The following XKR4 variants were observed in gnomAD, a reference collection of about 807,000 sequenced individuals.
The protein encoded by XKR4 is XK related 4, also known as XK-related protein 4.
In XKR4, 12 loss-of-function variants were observed where a neutral mutation model predicts 53.9. The observed-to-expected ratio is 0.22, with a 90% CI of 0.14 to 0.36. XKR4 has a LOEUF of 0.36. XKR4 is among the 10% of genes least tolerant of loss of function. XKR4 has a pLI of 1.00. For missense variants in XKR4, 799 were observed against 859.5 expected (o/e 0.93, Z 0.88); for synonymous variants, 354 against 362.4 (o/e 0.98, Z 0.26).
At chr8:55,243,483 C>T (rs1001174883) in intron 1 of XKR4, among the ~76,000 whole-genome samples, 1 of 152,190 alleles carries the variant, frequency 6.6e-6, no homozygotes. Context: ...ATCTTTTCAT[C>T]GGTTGCTTCC....
chr8:55,288,751 T>C (rs1254672202), intron 1 of XKR4, among the ~76,000 whole-genome samples: 2 of 152,166 alleles, frequency 1.3e-5, no homozygotes, highest in Non-Finnish European at 2.9e-5. Flanking sequence ...GGTAACATCT[T>C]GCAAAACTTG....
intron 1 of XKR4, among the ~76,000 whole-genome samples, chr8:55,185,664 T>G (rs1817367389): frequency 6.6e-6 from 1 of 152,228 alleles, no homozygotes; most frequent in African/African-American, 2.4e-5. Context: ...GCCATCACTT[T>G]CTATAGCTAG....
At chr8:55,324,808 A>C (rs967520573) in intron 1 of XKR4, among the ~76,000 whole-genome samples, 2 of 152,202 alleles carry the variant, frequency 1.3e-5, no homozygotes, top group African/African-American at 4.8e-5. Context: ...CCAGGTTTCA[A>C]ACTCAGCAAA....
intron 2 of XKR4, among the ~76,000 whole-genome samples, chr8:55,456,742 G>T (rs1805575356): frequency 6.6e-6 from 1 of 152,130 alleles, no homozygotes; most frequent in Admixed American, 6.5e-5. Context: ...GAAAAGTACA[G>T]ACAATTTTTT....
intron 1 of XKR4, among the ~76,000 whole-genome samples, chr8:55,278,336 A>T (rs1342268546): frequency 2.8e-4 from 4 of 14,122 alleles, no homozygotes; most frequent in African/African-American, 3.4e-4. Flanking sequence ...GATCCTGTCT[A>T]AAAAAAAAAA....
chr8:55,227,270 T>G (rs1371347920), intron 1 of XKR4, among the ~76,000 whole-genome samples: 1 of 152,224 alleles, frequency 6.6e-6, no homozygotes, highest in Admixed American at 6.5e-5. Context: ...CCCACTACAT[T>G]GTGCACAAAG....
chr8:55,378,460 A>G (rs1228361806), intron 2 of XKR4, among the ~76,000 whole-genome samples: 1 of 152,228 alleles, frequency 6.6e-6, no homozygotes, highest in Non-Finnish European at 1.5e-5. Context: ...TGGGTCTCAT[A>G]ATAAAAGAAA....
chr8:55,451,994 C>G (rs888882887), intron 2 of XKR4: 1 of 774,454 alleles, frequency 1.3e-6, no homozygotes, highest in African/African-American at 1.7e-5. Context: ...CATGCTGCCG[C>G]CCGATGGTCT....
At chr8:55,404,517 C>G (rs1309988333) in intron 2 of XKR4, among the ~76,000 whole-genome samples, 1 of 152,186 alleles carries the variant, frequency 6.6e-6, no homozygotes, top group Non-Finnish European at 1.5e-5. Flanking sequence ...AGCTTCCAGT[C>G]TGAAGAAAGA....
chr8:55,478,086 T>C (rs1015090491), intron 2 of XKR4, among the ~76,000 whole-genome samples: 3 of 151,830 alleles, frequency 2.0e-5, no homozygotes, highest in Non-Finnish European at 4.4e-5. Flanking sequence ...GAAGAGCAAC[T>C]CCAAGACACA....
intron 1 of XKR4, among the ~76,000 whole-genome samples, chr8:55,292,573 T>C (rs150631725): frequency 1.1e-4 from 17 of 152,268 alleles, no homozygotes; most frequent in Admixed American, 3.3e-4. Context: ...TTGGCCAATT[T>C]TATTAATCTT....
intron 2 of XKR4, chr8:55,449,596 A>T (rs1463659155): frequency 1.6e-6 from 2 of 1,239,316 alleles, no homozygotes; most frequent in African/African-American, 1.5e-5. Flanking sequence ...AAACGCGAGG[A>T]GTTGTCTTCA....
At chr8:55,308,946 G>A (rs1234705570) in intron 1 of XKR4, among the ~76,000 whole-genome samples, 1 of 152,236 alleles carries the variant, frequency 6.6e-6, no homozygotes, top group Non-Finnish European at 1.5e-5. Context: ...AAGCTGAAGA[G>A]AGGAGGTTGG....
chr8:55,185,716 A>T (rs1171621641), intron 1 of XKR4, among the ~76,000 whole-genome samples: 1 of 152,204 alleles, frequency 6.6e-6, no homozygotes, highest in African/African-American at 2.4e-5. Flanking sequence ...TGGGAAGAGA[A>T]CTATGTGCCT....
intron 2 of XKR4, among the ~76,000 whole-genome samples, chr8:55,437,404 A>G (rs1179750529): frequency 6.6e-6 from 1 of 152,116 alleles, no homozygotes; most frequent in African/African-American, 2.4e-5. Flanking sequence ...TTTTTGAATC[A>G]GGGTTAAGTA....
At chr8:55,235,405 A>G (rs1818105351) in intron 1 of XKR4, among the ~76,000 whole-genome samples, 1 of 152,230 alleles carries the variant, frequency 6.6e-6, no homozygotes, top group Admixed American at 6.5e-5. Context: ...CCTCAAATGT[A>G]AAATATGGAT....
chr8:55,476,486 C>T (rs1307288899), intron 2 of XKR4, among the ~76,000 whole-genome samples: 2 of 152,114 alleles, frequency 1.3e-5, no homozygotes, highest in African/African-American at 4.8e-5. Flanking sequence ...GTGAGCGACA[C>T]AGAAGATGGG....
chr8:55,304,650 C>T (rs577795362), intron 1 of XKR4, among the ~76,000 whole-genome samples: 2 of 152,248 alleles, frequency 1.3e-5, no homozygotes, highest in South Asian at 4.1e-4. Context: ...TTGTAGGTCA[C>T]TAAGGACTTG....
At chr8:55,113,691 A>T (rs1164942331) in intron 1 of XKR4, among the ~76,000 whole-genome samples, 1 of 152,146 alleles carries the variant, frequency 6.6e-6, no homozygotes, top group African/African-American at 2.4e-5. Flanking sequence ...TGAACATTGT[A>T]CCCAATAGGT....
Sources: gnomAD v4.1 joint callset for allele counts (sites outside exome capture counted in the v4.1 genomes callset) on GRCh38, gnomAD v4.1.1 for gene constraint, MANE v1.5 for transcripts, NCBI Gene and HGNC (gene_info 2026-07-23, HGNC 2026-07-21) for gene names.